SLC24A2: variants seen among roughly 807,000 people sequenced by gnomAD.
SLC24A2 encodes sodium/potassium/calcium exchanger 2.
A neutral mutation model predicts 62.0 loss-of-function variants in SLC24A2; 36 were observed. The observed-to-expected ratio is 0.58, with a 90% confidence interval of 0.44 to 0.77. SLC24A2 has a LOEUF of 0.77. SLC24A2 is among the 30% of genes least tolerant of loss of function. The probability of loss-of-function intolerance (pLI) is 0.00; values close to 1 mark genes in which losing one functional copy is unlikely to be tolerated. For synonymous variants in SLC24A2, 358 were observed against 294.0 expected (o/e 1.22, Z -2.23); for missense variants, 846 against 817.9 (o/e 1.03, Z -0.42).
chr9:19,513,029 A>G lies in SLC24A2; in HGVS notation c.*3124T>C, dbSNP rs1274314755. On this transcript the variant is annotated 3_prime_UTR_variant, in exon 11 of 11. Transcript: ENST00000341998. ...GAAATGTTCCCTTTGGTTTGTGTGC[A>G]TGACTTTCCTTTTCCTTGACTTTGG... 6.6e-6 allele frequency: 1 copy of G among 151,658 alleles called. No individual in the cohort carries two copies. Among genetic ancestry groups the G allele is most frequent in the Non-Finnish European group, 1.5e-5 (1 of 67,980 alleles). The allele number at this position is 151,658 out of a possible 1,614,324, so 9.4% of individuals were successfully genotyped here. A position where few individuals can be genotyped will look rare whatever the true frequency, so the allele number is the denominator to read the frequency against.
the SLC24A2 span, among the ~76,000 whole-genome samples, chr9:20,072,022 G>A: frequency 1.3e-5 from 2 of 152,050 alleles, no homozygotes; most frequent in African/African-American, 2.4e-5. Flanking sequence ...TGTCCTTGTG[G>A]GCTTAGGGTG....
the SLC24A2 span, among the ~76,000 whole-genome samples, chr9:20,239,374 T>C: frequency 6.6e-6 from 1 of 152,238 alleles, no homozygotes; most frequent in African/African-American, 2.4e-5. Context: ...ATCCTGTATT[T>C]TTACTTGCTA....
the SLC24A2 span, among the ~76,000 whole-genome samples, chr9:19,915,917 T>C: frequency 6.6e-6 from 1 of 152,030 alleles, no homozygotes. Context: ...ACATAGAAGG[T>C]TTTAAGTCCA....
At chr9:19,834,273 C>A in the SLC24A2 span, among the ~76,000 whole-genome samples, 7 of 152,050 alleles carry the variant, frequency 4.6e-5, no homozygotes, top group African/African-American at 1.7e-4. Context: ...GATCAAACTA[C>A]TCTGAGCTAA....
the SLC24A2 span, among the ~76,000 whole-genome samples, chr9:19,866,729 C>A: frequency 2.8e-5 from 4 of 144,760 alleles, no homozygotes; most frequent in Admixed American, 2.2e-4. Context: ...CTCCGCCTCC[C>A]AGGTTCATGC....
At chr9:20,216,359 C>A in the SLC24A2 span, among the ~76,000 whole-genome samples, 5 of 152,072 alleles carry the variant, frequency 3.3e-5, no homozygotes, top group Non-Finnish European at 7.4e-5. Flanking sequence ...ACATATTCTC[C>A]CTTGGAAAAT....
At chr9:19,614,525 C>T (rs759307333) in intron 4 of SLC24A2, among the ~76,000 whole-genome samples, 53 of 152,194 alleles carry the variant, frequency 3.5e-4, no homozygotes, top group African/African-American at 1.2e-3. Flanking sequence ...AAGGTGGTTT[C>T]ACCATGTTCT....
At chr9:19,582,687 C>T (rs2132866496) in intron 5 of SLC24A2, among the ~76,000 whole-genome samples, 1 of 152,170 alleles carries the variant, frequency 6.6e-6, no homozygotes, top group South Asian at 2.1e-4. Context: ...TTATTCCTTT[C>T]CTTTTTTTTC....
the SLC24A2 span, among the ~76,000 whole-genome samples, chr9:20,262,173 T>A: frequency 3.3e-5 from 5 of 152,242 alleles, no homozygotes; most frequent in African/African-American, 1.2e-4. Context: ...TGACCAAGCT[T>A]GCTTCCAGCT....
the SLC24A2 span, among the ~76,000 whole-genome samples, chr9:19,822,240 C>G: frequency 6.6e-6 from 1 of 152,094 alleles, no homozygotes; most frequent in African/African-American, 2.4e-5. Flanking sequence ...AGTACAAGAA[C>G]TATGTATGAG....
chr9:20,173,698 G>A, the SLC24A2 span, among the ~76,000 whole-genome samples: 3 of 152,152 alleles, frequency 2.0e-5, no homozygotes, highest in East Asian at 5.8e-4. Context: ...ATAAATCATA[G>A]AACACACAAA....
intron 2 of SLC24A2, among the ~76,000 whole-genome samples, chr9:19,677,709 C>T (rs116834581): frequency 0.023 from 3,512 of 151,810 alleles, 81 homozygotes; most frequent in East Asian, 0.093. Context: ...AATACATTTA[C>T]ATATCTAAAT....
intron 2 of SLC24A2, among the ~76,000 whole-genome samples, chr9:19,726,313 A>C (rs191321767): frequency 8.6e-4 from 131 of 152,334 alleles, no homozygotes; most frequent in African/African-American, 3.0e-3. Flanking sequence ...ATGCAACCAA[A>C]AGGTAAAAGT....
At chr9:20,012,165 T>C in the SLC24A2 span, among the ~76,000 whole-genome samples, 1,908 of 152,320 alleles carry the variant, frequency 0.013, 49 homozygotes, top group African/African-American at 0.044. Context: ...TCCATTTTCA[T>C]GCTGCTGATA....
the SLC24A2 span, among the ~76,000 whole-genome samples, chr9:19,991,922 G>A: frequency 2.6e-5 from 4 of 152,076 alleles, no homozygotes; most frequent in South Asian, 8.3e-4. Flanking sequence ...ACATTTCCCA[G>A]GTAAAAGCAA....
At chr9:20,224,855 C>T in the SLC24A2 span, among the ~76,000 whole-genome samples, 1 of 151,848 alleles carries the variant, frequency 6.6e-6, no homozygotes. Context: ...TCACAGCTGC[C>T]CTCATTTCCA....
the SLC24A2 span, among the ~76,000 whole-genome samples, chr9:20,067,001 A>C: frequency 6.6e-6 from 1 of 152,206 alleles, no homozygotes; most frequent in East Asian, 1.9e-4. Context: ...ACATATCAAT[A>C]ATAAAAGTGA....
At chr9:20,140,722 C>T in the SLC24A2 span, among the ~76,000 whole-genome samples, 6 of 152,132 alleles carry the variant, frequency 3.9e-5, no homozygotes, top group African/African-American at 1.4e-4. Context: ...TCTCCAGGCT[C>T]TTGATGTTAT....
intron 7 of SLC24A2, among the ~76,000 whole-genome samples, chr9:19,554,197 C>G (rs995654931): frequency 6.6e-5 from 10 of 152,184 alleles, no homozygotes; most frequent in Non-Finnish European, 1.5e-4. Flanking sequence ...AAGGCAGCGG[C>G]AGCAAGCAAA....
Sources: allele counts gnomAD v4.1 joint callset (sites outside exome capture counted in the v4.1 genomes callset), GRCh38; gene constraint gnomAD v4.1.1; transcripts MANE v1.5; gene names NCBI Gene and HGNC (gene_info 2026-07-23, HGNC 2026-07-21).